Variants in FAT3 observed in about 807,000 individuals in gnomAD.
FAT3 encodes FAT atypical cadherin 3.
FAT3 carries 95 observed loss-of-function variants against 310.2 expected under a neutral mutation model. The ratio of observed to expected loss-of-function variants is 0.31; its 90% CI spans 0.26 to 0.36. The LOEUF is 0.36. FAT3 is among the 10% of genes least tolerant of loss of function. The pLI is 1.00. For synonymous variants in FAT3, 2,314 were observed against 2,192.9 expected (o/e 1.06, Z -1.54); for missense variants, 5,408 against 5,715.6 (o/e 0.95, Z 1.74).
At chr11:92,641,283 A>G (rs1052991935) in intron 3 of FAT3, among the ~76,000 whole-genome samples, 7 of 152,226 alleles carry the variant, frequency 4.6e-5, no homozygotes, top group South Asian at 2.1e-4. Context: ...GTATTTATAT[A>G]TTTATTTAAC....
chr11:92,783,357 C>CAAAAAAAAAAAAAAAAAAA (rs35357267), intron 7 of FAT3, among the ~76,000 whole-genome samples: 1 of 45,072 alleles, frequency 2.2e-5, no homozygotes, highest in Non-Finnish European at 3.8e-5. Context: ...GACTCCATCT[C>CAAAAAAAAAAAAAAAAAAA]AAAAAAAAAA....
chr11:92,413,435 T>A (rs947879693), intron 2 of FAT3, among the ~76,000 whole-genome samples: 1 of 152,230 alleles, frequency 6.6e-6, no homozygotes, highest in African/African-American at 2.4e-5. Flanking sequence ...ATCATGATCA[T>A]TTGTTCAAAG....
At chr11:92,543,425 C>T (rs910763140) in intron 3 of FAT3, among the ~76,000 whole-genome samples, 7 of 152,148 alleles carry the variant, frequency 4.6e-5, no homozygotes, top group African/African-American at 1.7e-4. Context: ...CTTGTATCAA[C>T]ACATCATACT....
chr11:92,637,477 C>A (rs1469406168), intron 3 of FAT3, among the ~76,000 whole-genome samples: 2 of 152,190 alleles, frequency 1.3e-5, no homozygotes, highest in East Asian at 1.9e-4. Flanking sequence ...AGATTAAATT[C>A]TCTCACTTTT....
intron 4 of FAT3, among the ~76,000 whole-genome samples, chr11:92,721,407 A>G (rs1412546930): frequency 6.6e-6 from 1 of 152,240 alleles, no homozygotes. Context: ...GGTGAACTTT[A>G]TGGTATATAA....
intron 4 of FAT3, among the ~76,000 whole-genome samples, chr11:92,745,582 GAAA>G (rs58851230): frequency 3.3e-5 from 4 of 122,952 alleles, no homozygotes; most frequent in Non-Finnish European, 1.7e-5. Flanking sequence ...TCTCTGCAGG[GAAA>G]AAAAAAAAAA....
chr11:92,727,279 T>A (rs1945028485), intron 4 of FAT3, among the ~76,000 whole-genome samples: 1 of 152,114 alleles, frequency 6.6e-6, no homozygotes, highest in African/African-American at 2.4e-5. Flanking sequence ...AGACTTATTT[T>A]TAGAAATATA....
chr11:92,798,038 C>T lies in FAT3; in HGVS notation c.5025C>T (p.Asp1675=). 1 of 1,613,904 alleles carries T rather than the reference C, an allele frequency of 6.2e-7. No homozygotes were observed. Residue 1675 remains aspartate (D), a synonymous_variant, in exon 10 of 28, where the codon GAC becomes GAT. Coordinates refer to ENST00000525166, the MANE Select transcript of FAT3 (RefSeq NM_001367949.2). ...CTCACCCCAAGTTCATTCACAAAGA[C>T]TACCAAGCAGAAGTAAATGAAAATG... is the stretch of plus-strand genomic sequence containing the variant. ...DNSHPKFIHK[D]YQAEVNENVD...
intron 14 of FAT3, among the ~76,000 whole-genome samples, chr11:92,834,498 C>A (rs1948346668): frequency 6.6e-6 from 1 of 152,228 alleles, no homozygotes; most frequent in African/African-American, 2.4e-5. Flanking sequence ...TCAGCTCATT[C>A]TTGGTCTTCC....
intron 3 of FAT3, among the ~76,000 whole-genome samples, chr11:92,545,744 T>A (rs76352029): frequency 1.3e-5 from 2 of 152,318 alleles, no homozygotes; most frequent in Non-Finnish European, 2.9e-5. Flanking sequence ...TTTTCTCTAC[T>A]GTCCTGGTTT....
intron 6 of FAT3, among the ~76,000 whole-genome samples, chr11:92,771,352 A>G (rs1243980507): frequency 6.6e-6 from 1 of 152,142 alleles, no homozygotes; most frequent in African/African-American, 2.4e-5. Flanking sequence ...TCAGGCTAAA[A>G]GGGAGCCTGA....
chr11:92,568,476 G>A (rs1955554524), intron 3 of FAT3, among the ~76,000 whole-genome samples: 1 of 152,110 alleles, frequency 6.6e-6, no homozygotes. Flanking sequence ...GCCTCACGGG[G>A]ATTGATGCTA....
chr11:92,621,257 T>C (rs2135668510), intron 3 of FAT3, among the ~76,000 whole-genome samples: 1 of 152,254 alleles, frequency 6.6e-6, no homozygotes, highest in East Asian at 1.9e-4. Context: ...TCTGGGTTGA[T>C]CAATGAATCA....
chr11:92,341,641 G>T (rs1948264557), intron 1 of FAT3, among the ~76,000 whole-genome samples: 1 of 152,054 alleles, frequency 6.6e-6, no homozygotes, highest in Non-Finnish European at 1.5e-5. Flanking sequence ...AATGCTTATT[G>T]CTGCCTATTT....
intron 3 of FAT3, among the ~76,000 whole-genome samples, chr11:92,613,010 G>A (rs581134): frequency 0.56 from 85,355 of 152,088 alleles, 25,380 homozygotes; most frequent in African/African-American, 0.76. Flanking sequence ...GGACGGGATC[G>A]TAGAGTAACC....
chr11:92,886,737 A>G, intron 24 of FAT3: 1 of 418,614 alleles, frequency 2.4e-6, no homozygotes, highest in Non-Finnish European at 4.3e-6. Context: ...CACTTCGAGG[A>G]AGAAACAGCC....
At chr11:92,417,232 T>C (rs888115819) in intron 2 of FAT3, among the ~76,000 whole-genome samples, 37 of 152,288 alleles carry the variant, frequency 2.4e-4, no homozygotes, top group Admixed American at 6.5e-5. Context: ...ATCACAGCTG[T>C]GGGGAAGAGT....
intron 1 of FAT3, among the ~76,000 whole-genome samples, chr11:92,277,411 G>C (rs1239685380): frequency 6.6e-6 from 1 of 152,060 alleles, no homozygotes; most frequent in Non-Finnish European, 1.5e-5. Context: ...CAAGCACTCA[G>C]ATGTTTATTG....
Position 92,890,670 on chromosome 11 carries a change from G to A in FAT3, c.13327G>A (p.Glu4443Lys), listed in dbSNP as rs748507303. ...CAGTGAATACCCACCCCCTCATGAA[G>A]AGGAGTTCTTGAGTCAGGACCAGCT... is the stretch of plus-strand genomic sequence containing the variant. ...IDSEYPPPHE[E>K]EFLSQDQLPP... The change falls in exon 28 of 28, where the codon GAG (glutamate) becomes AAG (lysine). Residue 4443 changes from glutamate (E) to lysine (K), a missense_variant. By Grantham distance (56) the Glu-to-Lys change is moderately conservative. Coordinates refer to ENST00000525166, the MANE Select transcript of FAT3 (RefSeq NM_001367949.2). 1.2e-6 allele frequency: 2 copies of A among 1,613,776 alleles called. No homozygotes were observed. Among genetic ancestry groups the A allele is most frequent in the Non-Finnish European group, 1.7e-6 (2 of 1,179,846 alleles).
Sources: allele counts gnomAD v4.1 joint callset (sites outside exome capture counted in the v4.1 genomes callset), GRCh38; gene constraint gnomAD v4.1.1; transcripts MANE v1.5; gene names NCBI Gene and HGNC (gene_info 2026-07-23, HGNC 2026-07-21).